SH3PXD2A: variants seen among roughly 807,000 people sequenced by gnomAD.
The protein encoded by SH3PXD2A is SH3 and PX domain-containing protein 2A.
Under a neutral mutation model 115.2 loss-of-function variants are expected in SH3PXD2A, and 32 were observed. The observed-to-expected ratio is 0.28, with a 90% CI of 0.21 to 0.37. SH3PXD2A has a LOEUF of 0.37. SH3PXD2A is among the 10% of genes least tolerant of loss of function. The pLI is 1.00. For synonymous variants in SH3PXD2A, 610 were observed against 629.1 expected, an observed-to-expected ratio of 0.97 and a Z score of 0.45; for missense variants, 1,328 against 1,498.7, an observed-to-expected ratio of 0.89 and a Z score of 1.88.
intron 5 of SH3PXD2A, 24 bp downstream of exon 5, chr10:103,724,246 G>A (rs1308368071): frequency 5.6e-6 from 8 of 1,421,948 alleles, no homozygotes; most frequent in Non-Finnish European, 7.7e-6. Flanking sequence ...CCAGCACACA[G>A]GAGAGGCCTG....
chr10:103,650,065 GAAA>G (rs2037095898), intron 8 of SH3PXD2A, among the ~76,000 whole-genome samples: 3 of 152,240 alleles, frequency 2.0e-5, no homozygotes, highest in Admixed American at 1.3e-4. Context: ...AGGGGAGTTA[GAAA>G]AACAGGCTCT....
intron 6 of SH3PXD2A, among the ~76,000 whole-genome samples, chr10:103,685,635 G>C (rs148086636): frequency 6.2e-4 from 95 of 152,298 alleles, no homozygotes; most frequent in African/African-American, 2.3e-3. Flanking sequence ...GCTTCCTCTA[G>C]GCCAGGCACG....
At chr10:103,819,318 T>A (rs1042395215) in intron 1 of SH3PXD2A, among the ~76,000 whole-genome samples, 3 of 152,058 alleles carry the variant, frequency 2.0e-5, no homozygotes, top group Non-Finnish European at 4.4e-5. Flanking sequence ...CTAGCAGAGG[T>A]GATGCCAGAG....
chr10:103,623,925 G>C (rs770821795), intron 9 of SH3PXD2A, among the ~76,000 whole-genome samples: 7 of 152,242 alleles, frequency 4.6e-5, no homozygotes, highest in Non-Finnish European at 1.0e-4. Flanking sequence ...TTCACAGTAA[G>C]GTGTTGATGT....
chr10:103,799,638 G>A (rs921837358), intron 2 of SH3PXD2A, among the ~76,000 whole-genome samples: 5 of 152,224 alleles, frequency 3.3e-5, no homozygotes, highest in African/African-American at 7.2e-5. Flanking sequence ...GGGAAGAGGG[G>A]GAAGAAAAGT....
At position 103,693,064 on chromosome 10, in the gene SH3PXD2A, AG is replaced by A; in HGVS notation, c.399-9del. 1 of 1,613,378 alleles carries A rather than the reference AG, an allele frequency of 6.2e-7. No individual in the cohort carries two copies. Among genetic ancestry groups the A allele is most frequent in the East Asian group, 2.2e-5 (1 of 44,810 alleles). ...TTGGAACTGCCATAGTCCCTGAAAAAGAAGCAACAACAGATAGACATGGTTA... is the reference window on the plus strand; with the variant it reads ...TTGGAACTGCCATAGTCCCTGAAAAAAAGCAACAACAGATAGACATGGTTA... On this transcript the variant is annotated splice_polypyrimidine_tract_variant and intron_variant, in intron 5 of 14. Coordinates refer to ENST00000369774, the MANE Select transcript of SH3PXD2A (RefSeq NM_001394015.1).
chr10:103,845,494 C>T (rs1842837192), intron 1 of SH3PXD2A, among the ~76,000 whole-genome samples: 2 of 152,242 alleles, frequency 1.3e-5, no homozygotes, highest in Admixed American at 6.5e-5. Context: ...TTTACAAATG[C>T]CATGGCAATG....
intron 9 of SH3PXD2A, among the ~76,000 whole-genome samples, chr10:103,625,242 C>G (rs2036674125): frequency 6.6e-6 from 1 of 152,252 alleles, no homozygotes; most frequent in South Asian, 2.1e-4. Flanking sequence ...CACTCAGTGC[C>G]TAGGTCCTCC....
In SH3PXD2A at chr10:103,601,548, T is replaced by C. The variant is rs186933078; in HGVS notation, c.*268A>G. The C allele has an allele frequency of 2.4e-5, 9 of 377,566 alleles. No individual in the cohort carries two copies. Among genetic ancestry groups the C allele is most frequent in the Non-Finnish European group, 3.9e-5 (8 of 207,486 alleles). 23.4% of individuals were successfully genotyped at this position (377,566 alleles called of 1,614,324 possible). On this transcript the variant is annotated 3_prime_UTR_variant, in exon 15 of 15. Transcript: ENST00000369774. ...TGAAGTCCCTATGGTGCACAGGATA[T>C]CTCAGCTTTCTTGGCTCTGGGTCCC...
chr10:103,814,663 C>A (rs773424676), intron 1 of SH3PXD2A, among the ~76,000 whole-genome samples: 2 of 152,200 alleles, frequency 1.3e-5, no homozygotes, highest in Non-Finnish European at 2.9e-5. Flanking sequence ...GAGACACTTA[C>A]AAAGTCTTAA....
intron 6 of SH3PXD2A, among the ~76,000 whole-genome samples, chr10:103,681,618 C>A (rs2037609132): frequency 6.6e-6 from 1 of 152,152 alleles, no homozygotes; most frequent in Non-Finnish European, 1.5e-5. Context: ...GTGGAGGGTA[C>A]CTGTAGTCCC....
intron 4 of SH3PXD2A, among the ~76,000 whole-genome samples, chr10:103,728,856 C>A (rs2038275524): frequency 1.3e-5 from 2 of 150,958 alleles, no homozygotes; most frequent in Non-Finnish European, 2.9e-5. Flanking sequence ...GGCCTCACAG[C>A]TAGTAAGTAG....
At position 103,602,390 on chromosome 10, in the gene SH3PXD2A, T is replaced by G; in HGVS notation, c.2828A>C (p.Lys943Thr). Reference sequence around the variant, plus strand: ...GGAGGGGATGGGGGGCGTGGCCTTCTTGCTCTGGTTGACGGTGTTCAGTGC... The same window carrying G: ...GGAGGGGATGGGGGGCGTGGCCTTCGTGCTCTGGTTGACGGTGTTCAGTGC... ...VQALNTVNQS[K>T]KATPPIPSKP... The change falls in exon 15 of 15, where the codon AAG (lysine) becomes ACG (threonine). Residue 943 changes from lysine to threonine, a missense_variant. Physicochemically the swap from Lys to Thr is moderately conservative, Grantham distance 78. Coordinates refer to ENST00000369774, the MANE Select transcript of SH3PXD2A (RefSeq NM_001394015.1). 6.2e-7 allele frequency: 1 copy of G among 1,614,048 alleles called. No individual in the cohort carries two copies. Among genetic ancestry groups the G allele is most frequent in the African/African-American group, 1.3e-5 (1 of 75,060 alleles).
chr10:103,811,069 A>G lies in SH3PXD2A; in HGVS notation c.73-9707T>C, dbSNP rs2039265623. Reference sequence around the variant, plus strand: ...TAGCTCTGCTGCCCAGGGCTGGGAAAACAATGACGGTCCCCAGGAGCGTCC... The same window carrying G: ...TAGCTCTGCTGCCCAGGGCTGGGAAGACAATGACGGTCCCCAGGAGCGTCC... On this transcript the variant is annotated intron_variant, in intron 1 of 14. Coordinates refer to ENST00000369774, the MANE Select transcript of SH3PXD2A (RefSeq NM_001394015.1). Among the ~76,000 whole-genome samples the G allele has an allele frequency of 2.0e-5, 3 of 152,206 alleles. No homozygotes were observed. The South Asian group carries it at 6.2e-4, about 32-fold the overall frequency.
At chr10:103,753,790 T>TC (rs2038608029) in intron 3 of SH3PXD2A, 2 of 152,324 alleles carry the variant, frequency 1.3e-5, no homozygotes, top group African/African-American at 4.8e-5. Context: ...TTGTTGAAAT[T>TC]CCAGGCCTCA....
intron 5 of SH3PXD2A, among the ~76,000 whole-genome samples, chr10:103,704,317 G>C (rs1367087822): frequency 6.6e-6 from 1 of 152,048 alleles, no homozygotes; most frequent in Admixed American, 6.5e-5. Context: ...GGCCTGGCTG[G>C]CCTCAGGGGG....
In SH3PXD2A at chr10:103,604,174, G is replaced by A. The variant is rs559845004; in HGVS notation, c.1429-385C>T. Among the ~76,000 whole-genome samples, 12 of 152,206 alleles carry A rather than the reference G, an allele frequency of 7.9e-5. No homozygotes were observed. In the South Asian group the frequency reaches 1.9e-3, roughly 24 times the overall value. On this transcript the variant is annotated intron_variant, in intron 14 of 14. Transcript: ENST00000369774. ...CCCTTCTGCTGCCCCTTCCCTCCTC[G>A]TACCCTCGATGTTGCTAGGTCCTCC...
At chr10:103,631,633 C>T (rs1356891901) in intron 8 of SH3PXD2A, among the ~76,000 whole-genome samples, 2 of 152,218 alleles carry the variant, frequency 1.3e-5, no homozygotes, top group African/African-American at 4.8e-5. Flanking sequence ...CCTGCTGCCA[C>T]AGACCTCAGG....
intron 1 of SH3PXD2A, among the ~76,000 whole-genome samples, chr10:103,805,336 G>A (rs1001792680): frequency 3.3e-5 from 5 of 152,198 alleles, no homozygotes; most frequent in Admixed American, 2.6e-4. Context: ...CCACATGTGG[G>A]TGCAGCACCC....
Sources: allele counts gnomAD v4.1 joint callset (sites outside exome capture counted in the v4.1 genomes callset), GRCh38; gene constraint gnomAD v4.1.1; transcripts MANE v1.5; gene names NCBI Gene and HGNC (gene_info 2026-07-23, HGNC 2026-07-21).